Variants in DLG2 observed in about 807,000 individuals in gnomAD.
DLG2 encodes the protein discs large MAGUK scaffold protein 2.
A neutral mutation model predicts 132.5 loss-of-function variants in DLG2; 45 were observed. The ratio of observed to expected loss-of-function variants is 0.34; its 90% CI spans 0.27 to 0.44. DLG2 has a LOEUF of 0.44. Ranked by LOEUF, DLG2 falls within the 20% of genes least tolerant of loss-of-function variation. The probability of loss-of-function intolerance (pLI) is 1.00; values close to 1 mark genes in which losing one functional copy is unlikely to be tolerated. For synonymous variants in DLG2, 424 were observed against 419.6 expected, an observed-to-expected ratio of 1.01 and a Z score of -0.13; for missense variants, 1,045 against 1,196.9, an observed-to-expected ratio of 0.87 and a Z score of 1.87.
intron 10 of DLG2, among the ~76,000 whole-genome samples, chr11:84,088,791 C>T (rs774724998): frequency 2.6e-5 from 4 of 152,046 alleles, no homozygotes; most frequent in Non-Finnish European, 4.4e-5. Flanking sequence ...AGAATGAGTC[C>T]ATTGAGATTT....
intron 4 of DLG2, among the ~76,000 whole-genome samples, chr11:85,270,047 G>A (rs768019715): frequency 3.9e-5 from 6 of 152,140 alleles, no homozygotes; most frequent in Admixed American, 3.9e-4. Context: ...ATTAGTCAGA[G>A]TTCTCCAGAG....
chr11:84,437,459 C>T (rs911407403), intron 7 of DLG2: 2 of 152,140 alleles, frequency 1.3e-5, no homozygotes, highest in African/African-American at 4.8e-5. Context: ...CAGATAGAGG[C>T]AAACATAGCG....
intron 17 of DLG2, among the ~76,000 whole-genome samples, chr11:83,822,649 C>T (rs1269700508): frequency 6.6e-6 from 1 of 152,198 alleles, no homozygotes; most frequent in Non-Finnish European, 1.5e-5. Flanking sequence ...TGTGGTTTGG[C>T]TATAAGTGGC....
At chr11:85,550,916 T>C (rs1463644249) in intron 3 of DLG2, among the ~76,000 whole-genome samples, 1 of 152,206 alleles carries the variant, frequency 6.6e-6, no homozygotes, top group Non-Finnish European at 1.5e-5. Context: ...AGGAACAAGT[T>C]AGCCACCTAG....
chr11:84,578,054 G>A (rs1025936965), intron 6 of DLG2, among the ~76,000 whole-genome samples: 3 of 152,234 alleles, frequency 2.0e-5, no homozygotes, highest in Admixed American at 1.3e-4. Context: ...TCCATGTGGT[G>A]TTGAGCCTGT....
chr11:83,954,601 A>G (rs2086336498), intron 14 of DLG2, among the ~76,000 whole-genome samples: 1 of 152,182 alleles, frequency 6.6e-6, no homozygotes, highest in African/African-American at 2.4e-5. Context: ...AATTTGGTTA[A>G]GTTTTATAAT....
chr11:84,390,825 T>C (rs770329665), intron 7 of DLG2, among the ~76,000 whole-genome samples: 6 of 152,182 alleles, frequency 3.9e-5, no homozygotes, highest in Admixed American at 6.6e-5. Context: ...CGGCTTACCA[T>C]GTGGACAGTT....
At chr11:84,817,381 C>A (rs561408453) in intron 6 of DLG2, among the ~76,000 whole-genome samples, 3 of 152,082 alleles carry the variant, frequency 2.0e-5, no homozygotes, top group African/African-American at 4.8e-5. Context: ...AAAAAAGCAG[C>A]CCCTTTAGGC....
At chr11:84,754,757 CA>C (rs1175877156) in intron 6 of DLG2, among the ~76,000 whole-genome samples, 1 of 152,030 alleles carries the variant, frequency 6.6e-6, no homozygotes, top group Non-Finnish European at 1.5e-5. Context: ...TGTGCAAAAC[CA>C]AGAGTAAACC....
intron 6 of DLG2, among the ~76,000 whole-genome samples, chr11:84,886,680 T>C (rs1219088636): frequency 6.6e-6 from 1 of 152,144 alleles, no homozygotes; most frequent in Non-Finnish European, 1.5e-5. Context: ...AATGAAGCAG[T>C]TCACTTGGTT....
intron 6 of DLG2, among the ~76,000 whole-genome samples, chr11:84,979,609 G>A (rs1163658340): frequency 5.3e-5 from 8 of 150,778 alleles, no homozygotes; most frequent in Non-Finnish European, 1.0e-4. Flanking sequence ...TGAACAATGA[G>A]AACACTTGGA....
chr11:84,005,132 G>C (rs1905326), intron 11 of DLG2, among the ~76,000 whole-genome samples: 64,007 of 151,742 alleles, frequency 0.42, 15,131 homozygotes, highest in Middle Eastern at 0.59. Context: ...ACTAGGCATG[G>C]TATTGGTATA....
intron 4 of DLG2, among the ~76,000 whole-genome samples, chr11:85,193,837 C>T (rs72945963): frequency 0.042 from 6,443 of 152,110 alleles, 190 homozygotes; most frequent in East Asian, 0.093. Flanking sequence ...TTTTTACTTT[C>T]TTAACAGTAA....
intron 3 of DLG2, among the ~76,000 whole-genome samples, chr11:85,457,543 T>C (rs1408690884): frequency 6.6e-6 from 1 of 152,242 alleles, no homozygotes; most frequent in Non-Finnish European, 1.5e-5. Context: ...CACTTGTCTA[T>C]ATGCTTAAGC....
chr11:83,795,441 A>ATC (rs1566990784), intron 17 of DLG2, among the ~76,000 whole-genome samples: 2 of 147,426 alleles, frequency 1.4e-5, no homozygotes, highest in African/African-American at 2.5e-5. Flanking sequence ...ATCTATATCT[A>ATC]TATATCTATA....
chr11:85,254,163 C>T (rs1462563708), intron 4 of DLG2, among the ~76,000 whole-genome samples: 14 of 152,196 alleles, frequency 9.2e-5, no homozygotes, highest in Non-Finnish European at 1.6e-4. Context: ...ATTTCACTGC[C>T]TCCTGTCCCT....
intron 6 of DLG2, among the ~76,000 whole-genome samples, chr11:85,110,064 G>A (rs2072454128): frequency 6.6e-6 from 1 of 151,994 alleles, no homozygotes; most frequent in South Asian, 2.1e-4. Flanking sequence ...GGATATACTA[G>A]GACCCCAAGG....
intron 19 of DLG2, among the ~76,000 whole-genome samples, chr11:83,555,617 AT>A (rs10714552): frequency 0.47 from 71,866 of 151,702 alleles, 17,567 homozygotes; most frequent in Admixed American, 0.57. Context: ...AGAATATATC[AT>A]TTTTTTTTCT....
chr11:85,383,301 G>A (rs992523509), intron 3 of DLG2, among the ~76,000 whole-genome samples: 2 of 152,114 alleles, frequency 1.3e-5, no homozygotes, highest in Non-Finnish European at 2.9e-5. Flanking sequence ...TAGTAGCCTA[G>A]GTGCTGAGGA....
Sources: gnomAD v4.1 joint callset for allele counts (sites outside exome capture counted in the v4.1 genomes callset) on GRCh38, gnomAD v4.1.1 for gene constraint, MANE v1.5 for transcripts, NCBI Gene and HGNC (gene_info 2026-07-23, HGNC 2026-07-21) for gene names.